The following TSPAN15 variants were observed in gnomAD, a reference collection of about 807,000 sequenced individuals.
TSPAN15 encodes tetraspanin-15.
A neutral mutation model predicts 34.5 loss-of-function variants in TSPAN15; 20 were observed. The observed-to-expected ratio is 0.58, with a 90% CI of 0.41 to 0.84. TSPAN15 has a LOEUF of 0.84. TSPAN15 is among the 40% of genes least tolerant of loss of function. TSPAN15 has a pLI of 0.00. For missense variants in TSPAN15, 313 were observed against 386.1 expected, an observed-to-expected ratio of 0.81 and a Z score of 1.59; for synonymous variants, 155 against 153.9, an observed-to-expected ratio of 1.01 and a Z score of -0.05.
the TSPAN15 span, among the ~76,000 whole-genome samples, chr10:69,514,473 C>T: frequency 6.6e-6 from 1 of 152,130 alleles, no homozygotes; most frequent in Non-Finnish European, 1.5e-5. Context: ...ACTAGTGAAG[C>T]TACCTGGAAA....
At chr10:69,529,595 C>G in the TSPAN15 span, among the ~76,000 whole-genome samples, 1 of 147,746 alleles carries the variant, frequency 6.8e-6, no homozygotes, top group South Asian at 2.1e-4. Context: ...CACATAAAGA[C>G]CAAAACAATG....
intron 3 of TSPAN15, among the ~76,000 whole-genome samples, chr10:69,487,568 C>G (rs1433624513): frequency 3.3e-5 from 5 of 152,254 alleles, no homozygotes; most frequent in African/African-American, 1.2e-4. Context: ...CTGGCTGGAG[C>G]CCAGGTCCAG....
the TSPAN15 span, among the ~76,000 whole-genome samples, chr10:69,533,592 A>G: frequency 7.1e-3 from 1,081 of 152,324 alleles, no homozygotes; most frequent in Middle Eastern, 0.02. Flanking sequence ...GGGTGCACCA[A>G]AATCTCACAA....
At chr10:69,494,143 C>A (rs547878992) in intron 3 of TSPAN15, among the ~76,000 whole-genome samples, 1 of 152,196 alleles carries the variant, frequency 6.6e-6, no homozygotes, top group Non-Finnish European at 1.5e-5. Context: ...CTAGCCACAT[C>A]GCTCTCTGGG....
chr10:69,498,694 C>G (rs1171137386), intron 5 of TSPAN15, among the ~76,000 whole-genome samples: 1 of 152,172 alleles, frequency 6.6e-6, no homozygotes, highest in Admixed American at 6.5e-5. Context: ...TTAGTATTCA[C>G]GACAACCCTG....
chr10:69,481,320 A>G (rs921268953), intron 1 of TSPAN15, among the ~76,000 whole-genome samples: 1 of 152,126 alleles, frequency 6.6e-6, no homozygotes, highest in Non-Finnish European at 1.5e-5. Flanking sequence ...CTGGGGGGAA[A>G]GGTCTCACTA....
intron 1 of TSPAN15, among the ~76,000 whole-genome samples, chr10:69,473,262 C>T (rs556644166): frequency 3.9e-5 from 6 of 152,116 alleles, no homozygotes; most frequent in Admixed American, 2.6e-4. Context: ...TGGGCTCAAG[C>T]GATGGGAGGA....
chr10:69,468,881 G>A (rs1841445055), intron 1 of TSPAN15, among the ~76,000 whole-genome samples: 1 of 152,254 alleles, frequency 6.6e-6, no homozygotes, highest in East Asian at 1.9e-4. Flanking sequence ...CCAGTTCCTG[G>A]CACAGAGCTC....
chr10:69,464,102 C>T (rs1229966885), intron 1 of TSPAN15, among the ~76,000 whole-genome samples: 2 of 152,212 alleles, frequency 1.3e-5, no homozygotes, highest in African/African-American at 2.4e-5. Flanking sequence ...CTCTGGGAGC[C>T]ACTAAAAGCT....
At chr10:69,504,405 A>AAGG in intron 5 of TSPAN15, 33 bp from the exon 6 acceptor site, 1 of 1,602,488 alleles carries the variant, frequency 6.2e-7, no homozygotes, top group Non-Finnish European at 8.6e-7. Context: ...TAGAACCATT[A>AAGG]TAAATATTAG....
intron 1 of TSPAN15, among the ~76,000 whole-genome samples, chr10:69,466,363 G>C (rs964299056): frequency 6.6e-6 from 1 of 152,060 alleles, no homozygotes; most frequent in African/African-American, 2.4e-5. Context: ...AAAATCAGGG[G>C]GTTGGGCCAG....
intron 3 of TSPAN15, among the ~76,000 whole-genome samples, chr10:69,493,239 C>T (rs1017034230): frequency 2.0e-5 from 3 of 152,198 alleles, no homozygotes; most frequent in South Asian, 2.1e-4. Context: ...CCAGGCTGCT[C>T]GGCTGGAAGG....
chr10:69,495,470 TGCTG>T, intron 3 of TSPAN15, 120 bp from the exon 4 acceptor site: 1 of 682,210 alleles, frequency 1.5e-6, no homozygotes, highest in Non-Finnish European at 2.6e-6. Context: ...GGGGGCTCCA[TGCTG>T]GCTGGGCGCG....
chr10:69,504,281 G>A, intron 5 of TSPAN15, among the ~76,000 whole-genome samples, 157 bp from the exon 6 acceptor site: 1 of 152,104 alleles, frequency 6.6e-6, no homozygotes, highest in Middle Eastern at 3.2e-3. Flanking sequence ...TTATGATGGA[G>A]ACTCAAGCCA....
chr10:69,465,636 G>A (rs1841366978), intron 1 of TSPAN15, among the ~76,000 whole-genome samples: 1 of 152,172 alleles, frequency 6.6e-6, no homozygotes, highest in Admixed American at 6.5e-5. Context: ...TTTGCACTTG[G>A]GAAAGAGATG....
At chr10:69,470,076 A>G (rs1354306674) in intron 1 of TSPAN15, among the ~76,000 whole-genome samples, 1 of 152,084 alleles carries the variant, frequency 6.6e-6, no homozygotes, top group Non-Finnish European at 1.5e-5. Flanking sequence ...TGTCTCTTTA[A>G]TCTCCCCCAG....
At chr10:69,504,333 G>A (rs1842278951) in intron 5 of TSPAN15, 105 bp from the exon 6 acceptor site, 1 of 1,120,284 alleles carries the variant, frequency 8.9e-7, no homozygotes. Context: ...CTGCTGGACG[G>A]TGCAACTCTG....
intron 1 of TSPAN15, among the ~76,000 whole-genome samples, chr10:69,470,083 C>T (rs1841473196): frequency 6.6e-6 from 1 of 152,218 alleles, no homozygotes; most frequent in Non-Finnish European, 1.5e-5. Context: ...TTAATCTCCC[C>T]CAGGCTAGAC....
intron 1 of TSPAN15, among the ~76,000 whole-genome samples, chr10:69,459,739 C>T (rs1206182149): frequency 1.3e-5 from 2 of 152,088 alleles, no homozygotes; most frequent in African/African-American, 4.8e-5. Flanking sequence ...ATCCAGAGAC[C>T]TAGATCAGGT....
Sources: gnomAD v4.1 joint callset for allele counts (sites outside exome capture counted in the v4.1 genomes callset) on GRCh38, gnomAD v4.1.1 for gene constraint, MANE v1.5 for transcripts, NCBI Gene and HGNC (gene_info 2026-07-23, HGNC 2026-07-21) for gene names.